Variants in RANBP17 observed in about 807,000 individuals in gnomAD.
RANBP17 encodes the protein RAN binding protein 17, also known as ran-binding protein 17.
RANBP17 carries 158 observed loss-of-function variants against 141.2 expected under a neutral mutation model. The ratio of observed to expected loss-of-function variants is 1.12; its 90% confidence interval spans 0.98 to 1.28. The LOEUF is 1.28. Ranked by LOEUF, RANBP17 falls within the 50% of genes most tolerant of loss-of-function variation. RANBP17 has a pLI of 0.00. For missense variants in RANBP17, 1,438 were observed against 1,290.7 expected, an observed-to-expected ratio of 1.11 and a Z score of -1.75; for synonymous variants, 430 against 450.0, an observed-to-expected ratio of 0.96 and a Z score of 0.56.
Position 171,221,752 on chromosome 5 carries a change from T to C in RANBP17, c.2340-6T>C. ...CATATAGGCAATTTTTTTCTATATT[T>C]CTTAGATCCCAGCGTTTGAATTTTG... is the stretch of plus-strand genomic sequence containing the variant. On this transcript the variant is annotated splice_polypyrimidine_tract_variant and splice_region_variant and intron_variant, in intron 21 of 27. Transcript: ENST00000523189. The C allele has an allele frequency of 3.2e-6, 5 of 1,584,060 alleles. No homozygotes were observed. Among genetic ancestry groups the C allele is most frequent in the Non-Finnish European group, 4.3e-6 (5 of 1,154,954 alleles).
intron 24 of RANBP17, among the ~76,000 whole-genome samples, chr5:171,257,533 C>T (rs914885004): frequency 1.3e-5 from 2 of 152,152 alleles, no homozygotes; most frequent in African/African-American, 4.8e-5. Flanking sequence ...CACTCTTATT[C>T]TACACAGTAC....
At chr5:170,991,540 G>A (rs1178713607) in intron 14 of RANBP17, among the ~76,000 whole-genome samples, 1 of 151,918 alleles carries the variant, frequency 6.6e-6, no homozygotes, top group Non-Finnish European at 1.5e-5. Flanking sequence ...ATCCAGTTAA[G>A]AAAGGGTTCA....
chr5:171,145,080 T>C (rs1757947614), intron 14 of RANBP17, among the ~76,000 whole-genome samples: 1 of 152,242 alleles, frequency 6.6e-6, no homozygotes. Context: ...TATCAAAAAG[T>C]GCTTTAGCAT....
intron 14 of RANBP17, among the ~76,000 whole-genome samples, chr5:171,110,023 G>A (rs1338201111): frequency 6.6e-6 from 1 of 152,128 alleles, no homozygotes; most frequent in Non-Finnish European, 1.5e-5. Context: ...ATACTAAAAT[G>A]TAAACAGTGG....
chr5:171,187,291 A>G (rs753547092), intron 18 of RANBP17, among the ~76,000 whole-genome samples: 18 of 152,202 alleles, frequency 1.2e-4, no homozygotes, highest in Non-Finnish European at 2.4e-4. Context: ...GGCACAGATT[A>G]CCATAACAGA....
At chr5:171,249,323 G>A (rs745898059) in intron 24 of RANBP17, among the ~76,000 whole-genome samples, 1 of 152,102 alleles carries the variant, frequency 6.6e-6, no homozygotes, top group Non-Finnish European at 1.5e-5. Flanking sequence ...AAAAGTGACT[G>A]TTAAACTGGA....
intron 13 of RANBP17, among the ~76,000 whole-genome samples, chr5:170,967,073 T>C (rs1364110407): frequency 6.6e-6 from 1 of 152,186 alleles, no homozygotes; most frequent in Non-Finnish European, 1.5e-5. Context: ...GAACATTCCA[T>C]GCTCATATAA....
chr5:171,280,073 G>T (rs780058941), intron 25 of RANBP17, among the ~76,000 whole-genome samples: 7 of 152,100 alleles, frequency 4.6e-5, no homozygotes, highest in Non-Finnish European at 1.0e-4. Flanking sequence ...TCAAAGAATG[G>T]CACAGTATAA....
Position 171,183,458 on chromosome 5 carries a change from A to C in RANBP17, c.2038+28A>C. 2.1e-6 allele frequency: 3 copies of C among 1,433,648 alleles called. No homozygotes were observed. The African/African-American group carries it at 4.2e-5, about 20-fold the overall frequency. 88.8% of individuals were successfully genotyped at this position (1,433,648 alleles called of 1,614,324 possible). Reference sequence around the variant, plus strand: ...AAGGTTAAGAATTTAAACTCAATTAATAAGGGATCAGCAATACACTTGTGT... The same window carrying C: ...AAGGTTAAGAATTTAAACTCAATTACTAAGGGATCAGCAATACACTTGTGT... On this transcript the variant is annotated intron_variant, in intron 18 of 27. Coordinates refer to ENST00000523189, the MANE Select transcript of RANBP17 (RefSeq NM_022897.5).
intron 14 of RANBP17, among the ~76,000 whole-genome samples, chr5:171,125,747 C>T (rs1038984232): frequency 7.2e-5 from 11 of 152,272 alleles, no homozygotes; most frequent in Non-Finnish European, 5.9e-5. Flanking sequence ...GGAACACTCT[C>T]CCAGGATTGC....
chr5:171,032,239 T>C (rs1222444869), intron 14 of RANBP17, among the ~76,000 whole-genome samples: 2 of 152,156 alleles, frequency 1.3e-5, no homozygotes, highest in South Asian at 4.1e-4. Flanking sequence ...AGATGTCCAT[T>C]AAATGCTCAT....
chr5:171,089,042 C>T (rs1237405072), intron 14 of RANBP17, among the ~76,000 whole-genome samples: 5 of 151,848 alleles, frequency 3.3e-5, no homozygotes, highest in East Asian at 1.9e-4. Context: ...AGGTGCTCTG[C>T]GTTTTAGAGT....
At chr5:170,863,614 A>AGGATT (rs1336829373) in intron 1 of RANBP17, 3 of 152,198 alleles carry the variant, frequency 2.0e-5, no homozygotes, top group African/African-American at 7.2e-5. Flanking sequence ...TCTTACAAGG[A>AGGATT]GGATTTATGG....
At chr5:171,171,579 T>C (rs1481704848) in intron 16 of RANBP17, among the ~76,000 whole-genome samples, 1 of 152,024 alleles carries the variant, frequency 6.6e-6, no homozygotes, top group East Asian at 1.9e-4. Context: ...AAAGTCCACA[T>C]GTATTTTAGT....
At position 171,299,417 on chromosome 5, in the gene RANBP17, A is replaced by G. The variant is rs575166522; in HGVS notation, c.*559A>G. 8.6e-6 allele frequency: 2 copies of G among 231,986 alleles called. No homozygotes were observed. Among genetic ancestry groups the G allele is most frequent in the East Asian group, 6.1e-5 (1 of 16,306 alleles). The allele number at this position is 231,986 out of a possible 1,614,324, so 14.4% of individuals were successfully genotyped here. A position where few individuals can be genotyped will look rare whatever the true frequency, so the allele number is the denominator to read the frequency against. On this transcript the variant is annotated 3_prime_UTR_variant, in exon 28 of 28. Coordinates refer to ENST00000523189, the MANE Select transcript of RANBP17 (RefSeq NM_022897.5). ...GGCCTCCCTGCCTCAGCTGCATCTG[A>G]TAAAGTTGAGAGACAGTAACACAAT... is the stretch of plus-strand genomic sequence containing the variant.
chr5:171,259,711 T>C (rs1204267662), intron 24 of RANBP17, among the ~76,000 whole-genome samples: 1 of 152,192 alleles, frequency 6.6e-6, no homozygotes, highest in African/African-American at 2.4e-5. Flanking sequence ...TCAGACATGG[T>C]GGCTCACGCC....
chr5:170,969,951 C>T (rs1776868331), intron 14 of RANBP17, among the ~76,000 whole-genome samples: 1 of 151,908 alleles, frequency 6.6e-6, no homozygotes, highest in African/African-American at 2.4e-5. Context: ...TGCATAACCC[C>T]AGAGTGAAAC....
At chr5:171,191,120 C>T (rs1171856002) in intron 18 of RANBP17, among the ~76,000 whole-genome samples, 1 of 151,988 alleles carries the variant, frequency 6.6e-6, no homozygotes, top group African/African-American at 2.4e-5. Flanking sequence ...TATACTTTGG[C>T]TTATAAGAGG....
chr5:170,889,131 TTC>T (rs1769397213), intron 3 of RANBP17, among the ~76,000 whole-genome samples: 1 of 151,856 alleles, frequency 6.6e-6, no homozygotes, highest in African/African-American at 2.4e-5. Flanking sequence ...TGCCCTTTCT[TTC>T]TCTCTCTCAC....
Sources: allele counts gnomAD v4.1 joint callset (sites outside exome capture counted in the v4.1 genomes callset), GRCh38; gene constraint gnomAD v4.1.1; transcripts MANE v1.5; gene names NCBI Gene and HGNC (gene_info 2026-07-23, HGNC 2026-07-21).